ZNF469: variants seen among roughly 807,000 people sequenced by gnomAD.
The protein encoded by ZNF469 is zinc finger protein 469.
Under a neutral mutation model 1.0 loss-of-function variants are expected in ZNF469, and 1 was observed. That is an observed-to-expected ratio of 1.00 (90% CI 0.35 to 4.73). The LOEUF is 4.73. Among genes scored for constraint, ZNF469 ranks in the 30% most tolerant of loss-of-function variants. The probability of loss-of-function intolerance (pLI) is 0.16; values close to 1 mark genes in which losing one functional copy is unlikely to be tolerated. For missense variants in ZNF469, 6,100 were observed against 5,356.3 expected (o/e 1.14, Z -4.33); for synonymous variants, 2,703 against 2,363.4 (o/e 1.14, Z -4.17).
At position 88,433,330 on chromosome 16, in the gene ZNF469, C is replaced by T; in HGVS notation, c.5860C>T (p.Pro1954Ser). ...TVEGGKVACGPAQGSPGGVQV... is the reference protein window; with the variant it reads ...TVEGGKVACGSAQGSPGGVQV... ...GGAAGGAGGGAAGGTGGCCTGTGGC[C>T]CCGCCCAGGGCTCCCCAGGGGGTGT... Residue 1954 changes from proline (P) to serine (S), a missense_variant, in exon 3 of 3, where the codon CCC (proline) becomes TCC (serine). By Grantham distance (74) the Pro-to-Ser change is moderately conservative. Coordinates refer to ENST00000565624, the MANE Select transcript of ZNF469 (RefSeq NM_001367624.2). 1 of 1,550,306 alleles carries T rather than the reference C, an allele frequency of 6.5e-7. No individual in the cohort carries two copies. The highest frequency in any genetic ancestry group is 1.2e-5 in the South Asian group (1 of 84,062).
At chr16:88,231,062 C>A in the ZNF469 span, among the ~76,000 whole-genome samples, 1 of 152,164 alleles carries the variant, frequency 6.6e-6, no homozygotes, top group East Asian at 1.9e-4. This position sits in a 1 kb window ranked among gnomAD's most constrained non-coding sequence, Gnocchi z 4.5. Context: ...CGTGCCCTCC[C>A]CTCCCCCAAC....
chr16:88,185,478 GCA>G, the ZNF469 span, among the ~76,000 whole-genome samples: 2 of 131,962 alleles, frequency 1.5e-5, no homozygotes, highest in Non-Finnish European at 3.3e-5. Flanking sequence ...TCACACATTT[GCA>G]CACTCACATG....
the ZNF469 span, among the ~76,000 whole-genome samples, chr16:88,275,128 A>G: frequency 6.6e-6 from 1 of 152,148 alleles, no homozygotes; most frequent in African/African-American, 2.4e-5. Flanking sequence ...CCTGGAAACG[A>G]TTAATTAATT....
the ZNF469 span, among the ~76,000 whole-genome samples, chr16:88,321,319 C>A: frequency 1.3e-5 from 2 of 152,278 alleles, no homozygotes. Flanking sequence ...CCCAGGGAAA[C>A]CTTGGTTTTT....
the ZNF469 span, among the ~76,000 whole-genome samples, chr16:88,333,635 G>C: frequency 7.7e-3 from 1,166 of 152,362 alleles, 14 homozygotes; most frequent in African/African-American, 0.027. Context: ...AGATGCAAAG[G>C]TGGGGCATGA....
the ZNF469 span, among the ~76,000 whole-genome samples, chr16:88,231,089 C>T: frequency 1.3e-4 from 20 of 152,196 alleles, no homozygotes; most frequent in Non-Finnish European, 2.6e-4. The surrounding 1 kb of genome is among the most constrained non-coding windows in gnomAD (Gnocchi z 4.5). Context: ...AAGCCCTTCC[C>T]GGGCTGGAGA....
At chr16:88,194,512 G>A in the ZNF469 span, 1 of 152,416 alleles carries the variant, frequency 6.6e-6, no homozygotes, top group Admixed American at 6.5e-5. Context: ...TGGGCACCAG[G>A]TGCTGGGCCG....
the ZNF469 span, among the ~76,000 whole-genome samples, chr16:88,351,110 C>G: frequency 1.3e-5 from 2 of 152,202 alleles, no homozygotes; most frequent in Non-Finnish European, 2.9e-5. Context: ...TTCAGCATGT[C>G]GGGGTCAGTC....
At position 88,432,667 on chromosome 16, in the gene ZNF469, C is replaced by T; in HGVS notation, c.5197C>T (p.Leu1733=). 2 of 1,550,456 alleles carry T rather than the reference C, an allele frequency of 1.3e-6. No individual in the cohort carries two copies. Among genetic ancestry groups the T allele is most frequent in the Non-Finnish European group, 1.7e-6 (2 of 1,146,992 alleles). ...GCCCAGCAAGCAGCCTGGCCCACAG[C>T]TGGATGCCGGGAGTTTAGCAAAGTG... ...PEPSKQPGPQ[L]DAGSLAKCSP... The change falls in exon 3 of 3, where the codon CTG becomes TTG. Residue 1733 remains leucine, a synonymous_variant. Coordinates refer to ENST00000565624, the MANE Select transcript of ZNF469 (RefSeq NM_001367624.2).
chr16:88,428,083 C>A lies in ZNF469; in HGVS notation c.613C>A (p.Pro205Thr), dbSNP rs938215714. 1.3e-6 allele frequency: 2 copies of A among 1,549,902 alleles called. No homozygotes were observed. Among genetic ancestry groups the A allele is most frequent in the Non-Finnish European group, 8.7e-7 (1 of 1,146,800 alleles). Residue 205 changes from proline (P) to threonine (T), a missense_variant, in exon 3 of 3, where the codon CCC (proline) becomes ACC (threonine). Pro to Thr is a conservative substitution (Grantham distance 38). Transcript: ENST00000565624. ...NYTSPSATPRPPAPGPPQSRG... is the reference protein window; with the variant it reads ...NYTSPSATPRTPAPGPPQSRG... Reference sequence around the variant, plus strand: ...TACCTCACCAAGCGCCACCCCCAGGCCCCCAGCCCCGGGGCCCCCCCAGAG... The same window carrying A: ...TACCTCACCAAGCGCCACCCCCAGGACCCCAGCCCCGGGGCCCCCCCAGAG...
chr16:88,120,795 G>C, the ZNF469 span, among the ~76,000 whole-genome samples: 1 of 152,176 alleles, frequency 6.6e-6, no homozygotes, highest in African/African-American at 2.4e-5. Context: ...ACGGCGTCTC[G>C]TATGAATCCC....
At chr16:88,316,625 C>G in the ZNF469 span, among the ~76,000 whole-genome samples, 18 of 149,076 alleles carry the variant, frequency 1.2e-4, no homozygotes, top group South Asian at 4.3e-4. Flanking sequence ...TGGCTCACTG[C>G]AACCTCCACC....
the ZNF469 span, among the ~76,000 whole-genome samples, chr16:88,166,274 C>A: frequency 6.6e-6 from 1 of 152,134 alleles, no homozygotes; most frequent in African/African-American, 2.4e-5. The surrounding 1 kb of genome is among the most constrained non-coding windows in gnomAD (Gnocchi z 4.5). Flanking sequence ...AATCTCCATT[C>A]CTCCCTCCCT....
chr16:88,183,276 A>G, the ZNF469 span, among the ~76,000 whole-genome samples: 14 of 152,268 alleles, frequency 9.2e-5, 1 homozygote, highest in Admixed American at 7.8e-4. Context: ...AGTTGAACGT[A>G]CCCTTAACAC....
At chr16:88,128,719 TC>T in the ZNF469 span, among the ~76,000 whole-genome samples, 1 of 152,230 alleles carries the variant, frequency 6.6e-6, no homozygotes, top group Non-Finnish European at 1.5e-5. Flanking sequence ...GGCTGTGGGT[TC>T]CCCAAGCTGC....
chr16:88,203,187 A>G, the ZNF469 span, among the ~76,000 whole-genome samples: 4 of 152,156 alleles, frequency 2.6e-5, no homozygotes, highest in African/African-American at 9.7e-5. Context: ...CGAGTTGCCC[A>G]GGTGCTCGGA....
At chr16:88,168,911 C>G in the ZNF469 span, among the ~76,000 whole-genome samples, 1 of 150,608 alleles carries the variant, frequency 6.6e-6, no homozygotes, top group African/African-American at 2.4e-5. This position sits in a 1 kb window ranked among gnomAD's most constrained non-coding sequence, Gnocchi z 4.3. Context: ...GCCTGGACAA[C>G]ATAGTGAGAC....
At chr16:88,386,361 C>T (rs1351657026) in intron 1 of ZNF469, among the ~76,000 whole-genome samples, 5 of 152,128 alleles carry the variant, frequency 3.3e-5, no homozygotes, top group Non-Finnish European at 7.4e-5. Flanking sequence ...CTTCCCGCCT[C>T]CTGCCCGGGA....
chr16:88,386,163 C>T (rs1356400270), intron 1 of ZNF469, among the ~76,000 whole-genome samples: 3 of 152,154 alleles, frequency 2.0e-5, no homozygotes, highest in African/African-American at 7.2e-5. Flanking sequence ...CCAGCCAGCC[C>T]ACCCTTGCTT....
Sources: allele counts gnomAD v4.1 joint callset (sites outside exome capture counted in the v4.1 genomes callset), GRCh38; gene constraint gnomAD v4.1.1; non-coding constraint Gnocchi (gnomAD v3.1); transcripts MANE v1.5; gene names NCBI Gene and HGNC (gene_info 2026-07-23, HGNC 2026-07-21).